PDZD2: variants seen among roughly 807,000 people sequenced by gnomAD.
PDZD2 encodes the protein PDZ domain-containing protein 2.
PDZD2 carries 90 observed loss-of-function variants against 220.7 expected under a neutral mutation model. That is an observed-to-expected ratio of 0.41 (90% CI 0.34 to 0.49). The LOEUF (loss-of-function observed/expected upper bound fraction) is 0.49. PDZD2 is among the 20% of genes least tolerant of loss of function. The probability of loss-of-function intolerance (pLI) is 0.28; values close to 1 mark genes in which losing one functional copy is unlikely to be tolerated. For synonymous variants in PDZD2, 1,375 were observed against 1,450.5 expected, an observed-to-expected ratio of 0.95 and a Z score of 1.18; for missense variants, 3,174 against 3,608.5, an observed-to-expected ratio of 0.88 and a Z score of 3.08.
rs16901502 is a variant in PDZD2, at chr5:31,737,568, G to C, written c.-360-61321G>C. ...ACATATCCTCAAGAGATGCTAAATGGGGACCAGAATGGCCATAGGTCATTC... is the reference window on the plus strand; with the variant it reads ...ACATATCCTCAAGAGATGCTAAATGCGGACCAGAATGGCCATAGGTCATTC... On this transcript the variant is annotated intron_variant, in intron 1 of 24. Coordinates refer to ENST00000438447, the MANE Select transcript of PDZD2 (RefSeq NM_178140.4). Among the ~76,000 whole-genome samples, 1,409 of 152,262 alleles carry C rather than the reference G, an allele frequency of 9.3e-3. 21 individuals are homozygous for C. The highest frequency in any genetic ancestry group is 0.032 in the African/African-American group (1,321 of 41,550).
chr5:31,757,557 A>C (rs1210508553), intron 1 of PDZD2, among the ~76,000 whole-genome samples: 2 of 151,478 alleles, frequency 1.3e-5, no homozygotes, highest in East Asian at 3.9e-4. Context: ...GCGCCAGTGC[A>C]CTCCAGCCTG....
chr5:31,825,600 A>G (rs1013963645), intron 2 of PDZD2, among the ~76,000 whole-genome samples: 1 of 152,248 alleles, frequency 6.6e-6, no homozygotes, highest in Non-Finnish European at 1.5e-5. Flanking sequence ...ACATCAATGT[A>G]CAAGACAATT....
intron 2 of PDZD2, among the ~76,000 whole-genome samples, chr5:31,939,822 AT>A (rs1262139836): frequency 6.6e-6 from 1 of 152,090 alleles, no homozygotes; most frequent in Non-Finnish European, 1.5e-5. Flanking sequence ...TCTATTTATC[AT>A]TTTTTTCCTT....
At chr5:31,685,196 T>A (rs1746804192) in intron 1 of PDZD2, among the ~76,000 whole-genome samples, 1 of 152,202 alleles carries the variant, frequency 6.6e-6, no homozygotes, top group Non-Finnish European at 1.5e-5. Flanking sequence ...TTTTGCTGGC[T>A]ATTATGGTTA....
intron 10 of PDZD2, among the ~76,000 whole-genome samples, chr5:32,055,486 A>G (rs1414459068): frequency 1.3e-5 from 2 of 152,182 alleles, no homozygotes; most frequent in Non-Finnish European, 2.9e-5. Flanking sequence ...CCTAAGCTAC[A>G]GCACCTAGCC....
chr5:31,931,314 T>C (rs7723728), intron 2 of PDZD2, among the ~76,000 whole-genome samples: 141,336 of 151,920 alleles, frequency 0.93, 65,785 homozygotes, highest in Middle Eastern at 0.96. Context: ...TACACCACTA[T>C]GCCTGGCTAA....
At chr5:31,816,161 G>A (rs939853532) in intron 2 of PDZD2, among the ~76,000 whole-genome samples, 5 of 151,774 alleles carry the variant, frequency 3.3e-5, no homozygotes, top group Non-Finnish European at 4.4e-5. Flanking sequence ...GGTGGCAGGC[G>A]CCTGTAGTCC....
intron 1 of PDZD2, among the ~76,000 whole-genome samples, chr5:31,652,073 C>T (rs542073383): frequency 6.2e-4 from 93 of 149,454 alleles, no homozygotes; most frequent in Non-Finnish European, 9.0e-4. Context: ...CCTTGTGATC[C>T]GCTCGCCTTG....
chr5:32,017,050 G>T (rs992771002), intron 6 of PDZD2, among the ~76,000 whole-genome samples: 1 of 152,126 alleles, frequency 6.6e-6, no homozygotes, highest in Non-Finnish European at 1.5e-5. Context: ...GGGATGGTTG[G>T]TGTACCCTCT....
rs538393366 is a variant in PDZD2 at position 32,098,294 on chromosome 5, T to C, written c.7948-70T>C. 2 of 1,464,124 alleles carry C rather than the reference T, an allele frequency of 1.4e-6. No homozygotes were observed. Among genetic ancestry groups the C allele is most frequent in the Admixed American group, 3.8e-5 (2 of 52,198 alleles). 90.7% of individuals were successfully genotyped at this position (1,464,124 alleles called of 1,614,324 possible). A position where few individuals can be genotyped will look rare whatever the true frequency, so the allele number is the denominator to read the frequency against. ...CCTTTACTACAGATACGCAGTTAGT[T>C]ACTATCTCCCTTTTACCGGAAATCG... On this transcript the variant is annotated intron_variant, in intron 22 of 24. Coordinates refer to ENST00000438447, the MANE Select transcript of PDZD2 (RefSeq NM_178140.4). The surrounding 1 kb of genome is among the most constrained non-coding windows in gnomAD (Gnocchi z 4.1).
chr5:32,065,810 C>G (rs773937438), intron 14 of PDZD2, among the ~76,000 whole-genome samples: 76 of 151,924 alleles, frequency 5.0e-4, no homozygotes, highest in Non-Finnish European at 4.0e-4. Flanking sequence ...GGATCGCCTG[C>G]GATCAGGAGT....
intron 1 of PDZD2, among the ~76,000 whole-genome samples, chr5:31,690,202 G>T (rs963337411): frequency 3.3e-5 from 5 of 151,938 alleles, no homozygotes; most frequent in African/African-American, 9.7e-5. Flanking sequence ...ACCCTTAGAG[G>T]GTTGCATTTC....
intron 1 of PDZD2, among the ~76,000 whole-genome samples, chr5:31,751,313 G>A (rs1020343281): frequency 6.6e-6 from 1 of 151,998 alleles, no homozygotes; most frequent in African/African-American, 2.4e-5. Context: ...GGCGATGGGG[G>A]TTAGAGCAGG....
intron 2 of PDZD2, among the ~76,000 whole-genome samples, chr5:31,807,316 C>T (rs200923450): frequency 6.6e-6 from 1 of 152,142 alleles, no homozygotes; most frequent in East Asian, 1.9e-4. Context: ...GGCTTTTGGA[C>T]CTACTTAGTG....
intron 21 of PDZD2, among the ~76,000 whole-genome samples, chr5:32,096,928 C>T (rs530948205): frequency 2.8e-5 from 4 of 144,244 alleles, no homozygotes; most frequent in Admixed American, 7.5e-5. Context: ...CGTGACCTTC[C>T]GGGCTTAGGT....
At chr5:31,974,976 A>G (rs1749615961) in intron 2 of PDZD2, among the ~76,000 whole-genome samples, 1 of 152,110 alleles carries the variant, frequency 6.6e-6, no homozygotes, top group African/African-American at 2.4e-5. Flanking sequence ...ATTGGGCGTG[A>G]ATGACTAATA....
At chr5:31,844,736 G>C (rs1233745760) in intron 2 of PDZD2, among the ~76,000 whole-genome samples, 1 of 152,128 alleles carries the variant, frequency 6.6e-6, no homozygotes, top group Non-Finnish European at 1.5e-5. Context: ...ACAGTCTCTG[G>C]GATACTATCC....
In PDZD2 at chr5:31,640,939, G is replaced by A. The variant is rs75464000; in HGVS notation, c.-361+1502G>A. On this transcript the variant is annotated intron_variant, in intron 1 of 24. Coordinates refer to ENST00000438447, the MANE Select transcript of PDZD2 (RefSeq NM_178140.4). ...TCAGAACCATGTAAAGTATATAAAT[G>A]TACCTACCTTGACATAGTTAATATG... 9.1e-3 allele frequency among the ~76,000 whole-genome samples: 1,385 copies of A among 152,180 alleles called. 21 individuals are homozygous for A. Among genetic ancestry groups the A allele is most frequent in the African/African-American group, 0.031 (1,297 of 41,510 alleles).
In PDZD2 at chr5:31,922,665, C is replaced by CTTTTG. The variant is rs553899263; in HGVS notation, c.477-60475_477-60471dup. ...TCCAGTTCAAAGAAGCTTCACTAGC[C>CTTTTG]TTTTGTTTTGTTTTGTTTTTTGAGA... On this transcript the variant is annotated intron_variant, in intron 2 of 24. Coordinates refer to ENST00000438447, the MANE Select transcript of PDZD2 (RefSeq NM_178140.4). Among the ~76,000 whole-genome samples the CTTTTG allele has an allele frequency of 9.9e-5, 15 of 152,074 alleles. No homozygotes were observed. In the South Asian group the frequency reaches 2.7e-3, roughly 27 times the overall value.
Sources: allele counts gnomAD v4.1 joint callset (sites outside exome capture counted in the v4.1 genomes callset), GRCh38; gene constraint gnomAD v4.1.1; non-coding constraint Gnocchi (gnomAD v3.1); transcripts MANE v1.5; gene names NCBI Gene and HGNC (gene_info 2026-07-23, HGNC 2026-07-21).